Variants in RNF126 observed in about 807,000 individuals in gnomAD.
RNF126 encodes E3 ubiquitin-protein ligase RNF126.
A neutral mutation model predicts 41.9 loss-of-function variants in RNF126; 20 were observed. That is an observed-to-expected ratio of 0.48 (90% CI 0.34 to 0.69). RNF126 has a LOEUF of 0.69. Among genes scored for constraint, RNF126 ranks in the 30% least tolerant of loss-of-function variants. The pLI, the probability that RNF126 is intolerant of heterozygous loss-of-function variation, is 0.01. For synonymous variants in RNF126, 239 were observed against 202.9 expected (o/e 1.18, Z -1.51); for missense variants, 433 against 460.6 (o/e 0.94, Z 0.55).
Position 649,222 on chromosome 19 carries a change from G to GGGGT in RNF126, c.577-248_577-247insACCC, listed in dbSNP as rs896158768. On this transcript the variant is annotated intron_variant, in intron 6 of 8. Coordinates refer to ENST00000292363, the MANE Select transcript of RNF126 (RefSeq NM_194460.3). ...CTCCTGGGTCCCTGACAGCGGAATGGGGGGGGGGGCCGCGCTCCTGAGTGC... is the reference window on the plus strand; with the variant it reads ...CTCCTGGGTCCCTGACAGCGGAATGGGGGTGGGGGGGGGCCGCGCTCCTGAGTGC... 1.6e-5 allele frequency: 4 copies of GGGGT among 255,626 alleles called. 1 individual carries two copies. In the Middle Eastern group the frequency reaches 3.3e-3, roughly 211 times the overall value. 15.8% of individuals were successfully genotyped at this position (255,626 alleles called of 1,614,324 possible). A position where few individuals can be genotyped will look rare whatever the true frequency, so the allele number is the denominator to read the frequency against.
chr19:648,360 C>A lies in RNF126; in HGVS notation c.786+12G>T. 3 of 302,282 alleles carry A rather than the reference C, an allele frequency of 9.9e-6. No individual in the cohort carries two copies. Among genetic ancestry groups the A allele is most frequent in the Non-Finnish European group, 1.5e-5 (3 of 205,050 alleles). 18.7% of individuals were successfully genotyped at this position (302,282 alleles called of 1,614,324 possible). Reference sequence around the variant, plus strand: ...CGGTCGGGGTGGGGGGGCGGGTGGGCGGGGCACTCACCTGCTCCAGCCAGG... The same window carrying A: ...CGGTCGGGGTGGGGGGGCGGGTGGGAGGGGCACTCACCTGCTCCAGCCAGG... On this transcript the variant is annotated intron_variant, in intron 8 of 8. Transcript: ENST00000292363.
intron 3 of RNF126, 182 bp from the exon 4 acceptor site, chr19:652,037 TG>T: frequency 1.4e-6 from 1 of 690,494 alleles, no homozygotes; most frequent in South Asian, 2.1e-5. Context: ...GATGCCTCGG[TG>T]GAAGTTTCGC....
At chr19:652,422 C>G (rs2030354576) in intron 2 of RNF126, 126 bp from the exon 3 acceptor site, 1 of 835,680 alleles carries the variant, frequency 1.2e-6, no homozygotes, top group Non-Finnish European at 1.9e-6. Flanking sequence ...CCACCCGCCA[C>G]CGCCCCAGCA....
intron 4 of RNF126, 130 bp downstream of exon 4, chr19:651,481 G>T: frequency 1.1e-6 from 1 of 942,856 alleles, no homozygotes; most frequent in Non-Finnish European, 1.4e-6. Flanking sequence ...TGGAGGGCCT[G>T]GCCGGGCGGC....
chr19:648,393 G>A lies in RNF126; in HGVS notation c.765C>T (p.Cys255=). ...TCACCTGCTCCAGCCAGGGCACGAT[G>A]CAGCCGTCGTGGAACAGGTGGTTGC... ...LPCNHLFHDG[C]IVPWLEQHDS... is the part of the protein sequence containing the mutation. Residue 255 remains cysteine (C), a synonymous_variant, in exon 8 of 9, where the codon TGC becomes TGT. Coordinates refer to ENST00000292363, the MANE Select transcript of RNF126 (RefSeq NM_194460.3). The A allele has an allele frequency of 6.4e-7, 1 of 1,562,088 alleles. No individual in the cohort carries two copies. The highest frequency in any genetic ancestry group is 8.6e-7 in the Non-Finnish European group (1 of 1,158,996).
intron 1 of RNF126, among the ~76,000 whole-genome samples, chr19:655,930 T>TG (rs2030545356): frequency 6.6e-6 from 1 of 151,378 alleles, no homozygotes; most frequent in Admixed American, 6.6e-5. Context: ...CAGTGAGAGA[T>TG]GCCAGACACA....
In RNF126 at chr19:648,066, G is replaced by C. The variant is rs1030992822; in HGVS notation, c.*62C>G. The stretch of plus-strand genomic sequence containing the variant: ...CCGGGGCACCCAGTCTGTGGGTGCC[G>C]TGTGGCGCTGGCTGAGGGTGGGTGG... On this transcript the variant is annotated 3_prime_UTR_variant, in exon 9 of 9. Transcript: ENST00000292363. 3.4e-6 allele frequency: 5 copies of C among 1,479,058 alleles called. No individual in the cohort carries two copies. The highest frequency in any genetic ancestry group is 4.5e-6 in the Non-Finnish European group (5 of 1,112,420). The allele number at this position is 1,479,058 out of a possible 1,614,324, so 91.6% of individuals were successfully genotyped here. A position where few individuals can be genotyped will look rare whatever the true frequency, so the allele number is the denominator to read the frequency against.
At chr19:652,417 C>T (rs556831883) in intron 2 of RNF126, 121 bp from the exon 3 acceptor site, 97 of 853,522 alleles carry the variant, frequency 1.1e-4, no homozygotes, top group South Asian at 5.5e-4. Context: ...GCTTCCCACC[C>T]GCCACCGCCC....
At chr19:654,837 C>T (rs554388155) in intron 1 of RNF126, among the ~76,000 whole-genome samples, 2 of 150,928 alleles carry the variant, frequency 1.3e-5, no homozygotes, top group Admixed American at 6.6e-5. Flanking sequence ...CGTGGTGGCA[C>T]GTACCTGTAA....
chr19:652,752 A>T (rs559970943), intron 2 of RNF126, 74 bp downstream of exon 2: 9 of 1,417,298 alleles, frequency 6.4e-6, no homozygotes, highest in Middle Eastern at 1.8e-4. Flanking sequence ...GGCGGACGCC[A>T]GCACAGCCCA....
chr19:661,132 G>A (rs1296612546), intron 1 of RNF126, among the ~76,000 whole-genome samples: 2 of 152,274 alleles, frequency 1.3e-5, no homozygotes, highest in African/African-American at 4.8e-5. Context: ...CCCAGGCCCA[G>A]TGACAGTCGG....
At chr19:654,892 A>AGGAGGC (rs1413857518) in intron 1 of RNF126, among the ~76,000 whole-genome samples, 1 of 151,418 alleles carries the variant, frequency 6.6e-6, no homozygotes, top group Non-Finnish European at 1.5e-5. Context: ...GCTTGAACCT[A>AGGAGGC]GGAGGCGGAG....
intron 1 of RNF126, among the ~76,000 whole-genome samples, chr19:662,767 G>A (rs1237622443): frequency 6.6e-6 from 1 of 152,110 alleles, no homozygotes; most frequent in African/African-American, 2.4e-5. Context: ...GGAACGCCGC[G>A]GATGTGGGGT....
At position 651,417 on chromosome 19, in the gene RNF126, C is replaced by T. The variant is rs561299758; in HGVS notation, c.443+194G>A. On this transcript the variant is annotated intron_variant, in intron 4 of 8. Coordinates refer to ENST00000292363, the MANE Select transcript of RNF126 (RefSeq NM_194460.3). Reference sequence around the variant, plus strand: ...CCCACTCTGTGGTCAACCCACACACCCTGAACCGGCATACTTCTGTCTCCG... The same window carrying T: ...CCCACTCTGTGGTCAACCCACACACTCTGAACCGGCATACTTCTGTCTCCG... The T allele has an allele frequency of 1.9e-4, 95 of 492,770 alleles. No individual in the cohort carries two copies. The Admixed American group carries it at 4.1e-3, about 21-fold the overall frequency. The allele number at this position is 492,770 out of a possible 1,614,324, so 30.5% of individuals were successfully genotyped here.
rs561648877 is a variant in RNF126, at chr19:659,850, G to A, written c.75+3197C>T. Among the ~76,000 whole-genome samples, 14 of 148,506 alleles carry A rather than the reference G, an allele frequency of 9.4e-5. No individual in the cohort carries two copies. The East Asian group carries it at 2.2e-3, about 24-fold the overall frequency. On this transcript the variant is annotated intron_variant, in intron 1 of 8. Coordinates refer to ENST00000292363, the MANE Select transcript of RNF126 (RefSeq NM_194460.3). This position sits in a 1 kb window ranked among gnomAD's most constrained non-coding sequence, Gnocchi z 4.9. ...ACAATCTCGGCTCACTGCAACCTCCGCCTTCCAGGTTCAAGCAATTCTCCC... is the reference window on the plus strand; with the variant it reads ...ACAATCTCGGCTCACTGCAACCTCCACCTTCCAGGTTCAAGCAATTCTCCC...
In RNF126 at chr19:648,352, C is replaced by CGGGGG; in HGVS notation, c.786+19_786+20insCCCCC. On this transcript the variant is annotated intron_variant, in intron 8 of 8. Transcript: ENST00000292363. ...GAGGGCCGCGGTCGGGGTGGGGGGG[C>CGGGGG]GGGTGGGCGGGGCACTCACCTGCTC... 2 of 1,025,990 alleles carry CGGGGG rather than the reference C, an allele frequency of 1.9e-6. No individual in the cohort carries two copies. The allele number at this position is 1,025,990 out of a possible 1,614,324, so 63.6% of individuals were successfully genotyped here.
At chr19:661,857 T>A (rs1387074255) in intron 1 of RNF126, among the ~76,000 whole-genome samples, 5 of 152,092 alleles carry the variant, frequency 3.3e-5, no homozygotes, top group Non-Finnish European at 7.4e-5. Context: ...CCCCTCCACC[T>A]CCTGCGGCTG....
At position 652,895 on chromosome 19, in the gene RNF126, G is replaced by A; in HGVS notation, c.76-11C>T. The A allele has an allele frequency of 1.9e-6, 3 of 1,611,842 alleles. No homozygotes were observed. Among genetic ancestry groups the A allele is most frequent in the African/African-American group, 1.3e-5 (1 of 75,012 alleles). On this transcript the variant is annotated splice_polypyrimidine_tract_variant and intron_variant, in intron 1 of 8. Coordinates refer to ENST00000292363, the MANE Select transcript of RNF126 (RefSeq NM_194460.3). ...TGGACAGATATAATCCTGCAGGAGA[G>A]AACAGGAGGCCGGGTCACGGTGACG...
At chr19:651,348 G>C (rs1359233060) in intron 4 of RNF126, 1 of 359,040 alleles carries the variant, frequency 2.8e-6, no homozygotes, top group Non-Finnish European at 5.0e-6. Flanking sequence ...CACGCGTGTG[G>C]ACAGCAGTCT....
Sources: allele counts gnomAD v4.1 joint callset (sites outside exome capture counted in the v4.1 genomes callset), GRCh38; gene constraint gnomAD v4.1.1; non-coding constraint Gnocchi (gnomAD v3.1); transcripts MANE v1.5; gene names NCBI Gene and HGNC (gene_info 2026-07-23, HGNC 2026-07-21).